The following EIF3J variants were observed in gnomAD, a reference collection of about 807,000 sequenced individuals.
The protein encoded by EIF3J is eukaryotic translation initiation factor 3 subunit J.
A neutral mutation model predicts 39.0 loss-of-function variants in EIF3J; 15 were observed. That is an observed-to-expected ratio of 0.38 (90% CI 0.26 to 0.59). The LOEUF is 0.59. EIF3J is among the 20% of genes least tolerant of loss of function. The pLI, the probability that EIF3J is intolerant of heterozygous loss-of-function variation, is 0.60. For missense variants in EIF3J, 226 were observed against 308.6 expected, an observed-to-expected ratio of 0.73 and a Z score of 2.00; for synonymous variants, 98 against 112.9, an observed-to-expected ratio of 0.87 and a Z score of 0.84.
chr15:44,550,600 C>A, intron 2 of EIF3J: 2 of 234,892 alleles, frequency 8.5e-6, no homozygotes, highest in Non-Finnish European at 1.6e-5. Flanking sequence ...AGGAATAAAT[C>A]TAAAGAGAAA....
chr15:44,545,274 A>T, intron 2 of EIF3J, among the ~76,000 whole-genome samples: 1 of 152,186 alleles, frequency 6.6e-6, no homozygotes, highest in East Asian at 1.9e-4. Flanking sequence ...CCAGCGAATT[A>T]AATTGTTTAC....
intron 2 of EIF3J, among the ~76,000 whole-genome samples, chr15:44,540,257 ATATATATATATTTT>A (rs1295898854): frequency 5.5e-5 from 3 of 54,472 alleles, no homozygotes; most frequent in Non-Finnish European, 8.1e-5. Context: ...ATATATATAT[ATATATATATATTTT>A]TTTTTTTTTT....
rs188366804 is a variant in EIF3J, at chr15:44,553,949, T to A, written c.295-604T>A. On this transcript the variant is annotated intron_variant, in intron 4 of 7. Coordinates refer to ENST00000261868, the MANE Select transcript of EIF3J (RefSeq NM_003758.4). ...TGTCCACAGTCTCAATTCCTTTTTT[T>A]AAAAAAGGTTATAGAAGTAACCCCA... Among the ~76,000 whole-genome samples, 1,355 of 152,264 alleles carry A rather than the reference T, an allele frequency of 8.9e-3. 16 individuals are homozygous for A. Among genetic ancestry groups the A allele is most frequent in the African/African-American group, 0.031 (1,300 of 41,554 alleles).
chr15:44,538,786 C>T (rs942005122), intron 2 of EIF3J, among the ~76,000 whole-genome samples: 7 of 152,216 alleles, frequency 4.6e-5, no homozygotes, highest in African/African-American at 1.4e-4. Flanking sequence ...AGCAGATTTT[C>T]AGTTTTGAGC....
chr15:44,540,128 G>A (rs1485781338), intron 2 of EIF3J, among the ~76,000 whole-genome samples: 23 of 148,996 alleles, frequency 1.5e-4, no homozygotes, highest in Admixed American at 6.7e-4. Flanking sequence ...TAGTAGAGAC[G>A]GGGTTTCACC....
At chr15:44,551,231 T>G (rs772839582) in intron 3 of EIF3J, among the ~76,000 whole-genome samples, 200 bp from the exon 4 acceptor site, 1 of 152,206 alleles carries the variant, frequency 6.6e-6, no homozygotes, top group African/African-American at 2.4e-5. Context: ...TGGGGAAATA[T>G]GAAGAGATAT....
intron 2 of EIF3J, among the ~76,000 whole-genome samples, chr15:44,539,158 C>T (rs532382986): frequency 2.6e-5 from 4 of 151,562 alleles, no homozygotes; most frequent in African/African-American, 9.7e-5. Flanking sequence ...TCCCAAGTAG[C>T]TGGGATTACA....
rs1267294732 is a variant in EIF3J at position 44,562,742 on chromosome 15, T to C, written c.*1593T>C. ...TACAGAAAGATCAGTTTCTAACAAA[T>C]GAAAATGTATCACCTGTTCCTTAAC... On this transcript the variant is annotated 3_prime_UTR_variant, in exon 8 of 8. Coordinates refer to ENST00000261868, the MANE Select transcript of EIF3J (RefSeq NM_003758.4). 1.1e-5 allele frequency: 2 copies of C among 179,006 alleles called. No individual in the cohort carries two copies. The highest frequency in any genetic ancestry group is 2.4e-5 in the African/African-American group (1 of 41,938). 11.1% of individuals were successfully genotyped at this position (179,006 alleles called of 1,614,324 possible).
intron 2 of EIF3J, among the ~76,000 whole-genome samples, chr15:44,546,236 C>G (rs1567116737): frequency 6.6e-6 from 1 of 152,180 alleles, no homozygotes; most frequent in East Asian, 1.9e-4. Context: ...CACAGTTACT[C>G]AAATAATGAC....
At chr15:44,556,545 C>T (rs1022533721) in intron 5 of EIF3J, among the ~76,000 whole-genome samples, 4 of 151,884 alleles carry the variant, frequency 2.6e-5, no homozygotes, top group Admixed American at 1.3e-4. Context: ...CTCACTCTGT[C>T]ACCCAGGCTG....
intron 2 of EIF3J, among the ~76,000 whole-genome samples, chr15:44,540,629 T>G (rs571255562): frequency 3.0e-4 from 45 of 152,244 alleles, no homozygotes; most frequent in African/African-American, 9.1e-4. Flanking sequence ...TTGGTAGAGA[T>G]AGAGTTTCGC....
At chr15:44,537,449 G>C (rs562641137) in intron 2 of EIF3J, 22 bp downstream of exon 2, 83 of 1,512,472 alleles carry the variant, frequency 5.5e-5, no homozygotes, top group Admixed American at 8.7e-5. Context: ...CTAGGGCGCC[G>C]GGCAGCGCGG....
intron 5 of EIF3J, 42 bp from the exon 6 acceptor site, chr15:44,557,447 C>T: frequency 7.0e-7 from 1 of 1,424,828 alleles, no homozygotes; most frequent in Non-Finnish European, 9.3e-7. Context: ...TTTTAAAAAT[C>T]CTAACCTCCT....
At chr15:44,559,862 T>C (rs1458610728) in intron 6 of EIF3J, among the ~76,000 whole-genome samples, 2 of 152,200 alleles carry the variant, frequency 1.3e-5, no homozygotes, top group African/African-American at 2.4e-5. Flanking sequence ...TAAAGACAGT[T>C]TCTCTTTGGT....
At chr15:44,554,750 T>C (rs1567119317) in intron 5 of EIF3J, 83 bp downstream of exon 5, 1 of 803,330 alleles carries the variant, frequency 1.2e-6, no homozygotes, top group East Asian at 2.8e-5. Flanking sequence ...CTCCTTTTCT[T>C]AAAAGAAACA....
At chr15:44,537,492 G>C (rs2081969134) in intron 2 of EIF3J, 65 bp downstream of exon 2, 18 of 1,421,666 alleles carry the variant, frequency 1.3e-5, no homozygotes, top group Middle Eastern at 2.6e-4. Context: ...GCCGACTCTG[G>C]GCCCCGGGTC....
chr15:44,562,039 A>ATGTT lies in EIF3J; in HGVS notation c.*892_*895dup, dbSNP rs1184638815. On this transcript the variant is annotated 3_prime_UTR_variant, in exon 8 of 8. Coordinates refer to ENST00000261868, the MANE Select transcript of EIF3J (RefSeq NM_003758.4). ...TATGTTAACAATTATGACATCTGCA[A>ATGTT]TGTTTTATAAAGCAACTAATTTAAT... The ATGTT allele has an allele frequency of 2.6e-5, 4 of 152,772 alleles. No individual in the cohort carries two copies. In the East Asian group the frequency reaches 7.7e-4, roughly 29 times the overall value. 9.5% of individuals were successfully genotyped at this position (152,772 alleles called of 1,614,324 possible).
chr15:44,554,102 C>T (rs1278733020), intron 4 of EIF3J, among the ~76,000 whole-genome samples: 4 of 152,058 alleles, frequency 2.6e-5, no homozygotes, highest in Non-Finnish European at 5.9e-5. Context: ...GTGGACTGGG[C>T]GCAGTGGCTC....
chr15:44,543,750 G>A (rs1179943533), intron 2 of EIF3J, among the ~76,000 whole-genome samples: 2 of 152,122 alleles, frequency 1.3e-5, no homozygotes, highest in African/African-American at 4.8e-5. Flanking sequence ...ATTCTGTGAT[G>A]GAGTAGGGAA....
Sources: gnomAD v4.1 joint callset for allele counts (sites outside exome capture counted in the v4.1 genomes callset) on GRCh38, gnomAD v4.1.1 for gene constraint, MANE v1.5 for transcripts, NCBI Gene and HGNC (gene_info 2026-07-23, HGNC 2026-07-21) for gene names.